ABCB5: variants seen among roughly 807,000 people sequenced by gnomAD.
The protein encoded by ABCB5 is ATP-binding cassette sub-family B member 5.
In ABCB5, 155 loss-of-function variants were observed where a neutral mutation model predicts 144.2. The ratio of observed to expected loss-of-function variants is 1.08; its 90% confidence interval spans 0.94 to 1.23. ABCB5 has a LOEUF of 1.23. ABCB5 is among the 50% of genes most tolerant of loss of function. The probability of loss-of-function intolerance (pLI) is 0.00; values close to 1 mark genes in which losing one functional copy is unlikely to be tolerated. For synonymous variants in ABCB5, 610 were observed against 528.6 expected (o/e 1.15, Z -2.11); for missense variants, 1,830 against 1,520.8 (o/e 1.20, Z -3.38).
intron 15 of ABCB5, among the ~76,000 whole-genome samples, chr7:20,682,546 G>A (rs1785863711): frequency 6.6e-6 from 1 of 152,088 alleles, no homozygotes; most frequent in South Asian, 2.1e-4. Flanking sequence ...ACAAAAAGGA[G>A]GTAGCTTTCC....
At chr7:20,647,328 T>G in intron 9 of ABCB5, 1 of 1,319,022 alleles carries the variant, frequency 7.6e-7, no homozygotes, top group South Asian at 2.2e-5. Context: ...GATACTTGGA[T>G]TAATCTGTGT....
chr7:20,723,694 A>T (rs1177313870), intron 21 of ABCB5, among the ~76,000 whole-genome samples: 1 of 152,222 alleles, frequency 6.6e-6, no homozygotes, highest in Non-Finnish European at 1.5e-5. Flanking sequence ...GAAGTTTTCA[A>T]ACATCATCAT....
Position 20,626,617 on chromosome 7 carries a change from T to A in ABCB5, c.108+6T>A, listed in dbSNP as rs910225145. 1.0e-5 allele frequency: 16 copies of A among 1,600,414 alleles called. No individual in the cohort carries two copies. Among genetic ancestry groups the A allele is most frequent in the Non-Finnish European group, 1.4e-5 (16 of 1,173,276 alleles). ...CAGTTGGATCTATTGAGATAGTAAG[T>A]GAAATCAGTTAGAAAGTACATGCAT... On this transcript the variant is annotated splice_donor_region_variant and intron_variant, in intron 3 of 27. Coordinates refer to ENST00000404938, the MANE Select transcript of ABCB5 (RefSeq NM_001163941.2).
intron 14 of ABCB5, chr7:20,659,537 T>C: frequency 2.0e-6 from 2 of 1,006,592 alleles, no homozygotes; most frequent in Non-Finnish European, 2.4e-6. Context: ...AATCAGATTG[T>C]GCAAGTTTGA....
intron 15 of ABCB5, among the ~76,000 whole-genome samples, chr7:20,685,386 A>G (rs1417942899): frequency 6.6e-6 from 1 of 152,212 alleles, no homozygotes; most frequent in African/African-American, 2.4e-5. Flanking sequence ...TTCTGTCTCA[A>G]AAAGCTCCTG....
Position 20,728,192 on chromosome 7 carries a change from C to G in ABCB5, c.2727-123C>G. 2.5e-6 allele frequency: 3 copies of G among 1,183,980 alleles called. No individual in the cohort carries two copies. The South Asian group carries it at 5.4e-5, about 21-fold the overall frequency. 73.3% of individuals were successfully genotyped at this position (1,183,980 alleles called of 1,614,324 possible). On this transcript the variant is annotated intron_variant, in intron 22 of 27. Coordinates refer to ENST00000404938, the MANE Select transcript of ABCB5 (RefSeq NM_001163941.2). ...AAAAATCACTTTCTCTTTCATCATTCGAAAAATGCCTTTCCACCAAATTAT... is the reference window on the plus strand; with the variant it reads ...AAAAATCACTTTCTCTTTCATCATTGGAAAAATGCCTTTCCACCAAATTAT...
Position 20,659,414 on chromosome 7 carries a change from A to G in ABCB5, c.1707+738A>G. 2.6e-6 allele frequency: 3 copies of G among 1,171,700 alleles called. No individual in the cohort carries two copies. The South Asian group carries it at 1.2e-4, about 46-fold the overall frequency. The allele number at this position is 1,171,700 out of a possible 1,614,324, so 72.6% of individuals were successfully genotyped here. Reference sequence around the variant, plus strand: ...TAAGCGTTTTTTTTTCTCTAAGAAAATCGCAGGCTTCTTTTTTTAAAATGC... The same window carrying G: ...TAAGCGTTTTTTTTTCTCTAAGAAAGTCGCAGGCTTCTTTTTTTAAAATGC... On this transcript the variant is annotated intron_variant, in intron 14 of 27. Coordinates refer to ENST00000404938, the MANE Select transcript of ABCB5 (RefSeq NM_001163941.2).
intron 16 of ABCB5, among the ~76,000 whole-genome samples, chr7:20,686,635 C>A (rs1020208325): frequency 2.0e-5 from 3 of 152,152 alleles, no homozygotes; most frequent in African/African-American, 4.8e-5. Flanking sequence ...CCTTTGCTAG[C>A]CCCTGGTGCT....
chr7:20,743,147 C>A, intron 25 of ABCB5, 73 bp downstream of exon 25: 1 of 1,503,426 alleles, frequency 6.7e-7, no homozygotes, highest in Non-Finnish European at 9.1e-7. Flanking sequence ...AGGGCTTAAG[C>A]ATCCCCACTG....
chr7:20,731,369 A>AAAAAAAAAAAAAATAT (rs57305244), intron 23 of ABCB5, among the ~76,000 whole-genome samples: 3 of 123,104 alleles, frequency 2.4e-5, no homozygotes, highest in African/African-American at 9.9e-5. Flanking sequence ...AAAAAAAAAA[A>AAAAAAAAAAAAAATAT]ATATATATAT....
In ABCB5 at chr7:20,704,887, A is replaced by G. The variant is rs1309511937; in HGVS notation, c.2421+80A>G. 1.3e-5 allele frequency: 16 copies of G among 1,194,466 alleles called. 1 individual carries two copies. In the East Asian group the frequency reaches 3.9e-4, roughly 29 times the overall value. 74.0% of individuals were successfully genotyped at this position (1,194,466 alleles called of 1,614,324 possible). On this transcript the variant is annotated intron_variant, in intron 20 of 27. Coordinates refer to ENST00000404938, the MANE Select transcript of ABCB5 (RefSeq NM_001163941.2). The stretch of plus-strand genomic sequence containing the variant: ...AATGCACACATGTGTCTGTGCATAT[A>G]TGTGAGCTGTGCTGAGATGACCCAC...
At chr7:20,692,654 A>G (rs1355498874) in intron 16 of ABCB5, among the ~76,000 whole-genome samples, 1 of 152,028 alleles carries the variant, frequency 6.6e-6, no homozygotes, top group Non-Finnish European at 1.5e-5. Flanking sequence ...CAAAGAAAAA[A>G]GAACATTATA....
At chr7:20,701,765 G>C (rs1786638750) in intron 19 of ABCB5, among the ~76,000 whole-genome samples, 2 of 152,260 alleles carry the variant, frequency 1.3e-5, no homozygotes, top group South Asian at 4.2e-4. Context: ...ATGCCACTTA[G>C]CACATGTTAT....
intron 26 of ABCB5, among the ~76,000 whole-genome samples, chr7:20,748,284 A>C (rs1373070211): frequency 1.3e-5 from 2 of 152,190 alleles, no homozygotes; most frequent in African/African-American, 4.8e-5. Flanking sequence ...AACATGTTAC[A>C]GCTCACACGT....
intron 14 of ABCB5, chr7:20,667,168 C>T (rs548348671): frequency 1.1e-6 from 1 of 873,058 alleles, no homozygotes; most frequent in African/African-American, 1.8e-5. Flanking sequence ...ATTTGATGCA[C>T]TCAGATACAA....
chr7:20,666,757 A>G (rs2128033313), intron 14 of ABCB5: 5 of 1,598,504 alleles, frequency 3.1e-6, no homozygotes, highest in Non-Finnish European at 4.3e-6. Flanking sequence ...TGTATTTTCT[A>G]GAAAAAATAA....
At chr7:20,688,797 G>C (rs574127123) in intron 16 of ABCB5, among the ~76,000 whole-genome samples, 1 of 152,114 alleles carries the variant, frequency 6.6e-6, no homozygotes, top group South Asian at 2.1e-4. Flanking sequence ...CCATAAAAAA[G>C]GATGAGTTCA....
At chr7:20,668,334 C>T (rs1484146495) in intron 14 of ABCB5, among the ~76,000 whole-genome samples, 13 of 145,958 alleles carry the variant, frequency 8.9e-5, no homozygotes, top group African/African-American at 2.6e-4. Context: ...TCTGCCCGGC[C>T]GCCCATCGTC....
intron 19 of ABCB5, among the ~76,000 whole-genome samples, chr7:20,702,084 A>C (rs1671276323): frequency 6.6e-6 from 1 of 152,234 alleles, no homozygotes; most frequent in South Asian, 2.1e-4. Context: ...TATGTAAAGA[A>C]ACAGGTGTGT....
Sources: gnomAD v4.1 joint callset for allele counts (sites outside exome capture counted in the v4.1 genomes callset) on GRCh38, gnomAD v4.1.1 for gene constraint, MANE v1.5 for transcripts, NCBI Gene and HGNC (gene_info 2026-07-23, HGNC 2026-07-21) for gene names.